The following ZNF385B variants were observed in gnomAD, a reference collection of about 807,000 sequenced individuals.
ZNF385B encodes the protein zinc finger protein 533.
A neutral mutation model predicts 39.2 loss-of-function variants in ZNF385B; 23 were observed. The ratio of observed to expected loss-of-function variants is 0.59; its 90% CI spans 0.42 to 0.83. The LOEUF (loss-of-function observed/expected upper bound fraction) is 0.83. Ranked by LOEUF, ZNF385B falls within the 40% of genes least tolerant of loss-of-function variation. ZNF385B has a pLI of 0.00. For synonymous variants in ZNF385B, 205 were observed against 222.6 expected, an observed-to-expected ratio of 0.92 and a Z score of 0.70; for missense variants, 552 against 598.9, an observed-to-expected ratio of 0.92 and a Z score of 0.82.
intron 1 of ZNF385B, among the ~76,000 whole-genome samples, chr2:179,819,879 T>A (rs1707298925): frequency 1.3e-5 from 2 of 152,222 alleles, no homozygotes; most frequent in Non-Finnish European, 2.9e-5. Flanking sequence ...ATTATACTTT[T>A]TTCATATTAA....
At chr2:179,689,409 C>T (rs900505929) in intron 3 of ZNF385B, among the ~76,000 whole-genome samples, 1 of 152,164 alleles carries the variant, frequency 6.6e-6, no homozygotes, top group Non-Finnish European at 1.5e-5. Flanking sequence ...TGTGGACACT[C>T]AGTCCAGTAT....
Position 179,523,411 on chromosome 2 carries a change from T to C in ZNF385B, c.442-4773A>G, listed in dbSNP as rs75947918. Among the ~76,000 whole-genome samples the C allele has an allele frequency of 5.7e-3, 842 of 147,098 alleles. 11 individuals carry two copies. The highest frequency in any genetic ancestry group is 0.02 in the African/African-American group (819 of 40,162). On this transcript the variant is annotated intron_variant, in intron 4 of 9. Coordinates refer to ENST00000410066, the MANE Select transcript of ZNF385B (RefSeq NM_152520.6). ...TGGGTAAACCAAAAAGTAATTTACA[T>C]CTCCACAGTGTAAAAAGTCATATAA...
At chr2:179,483,085 G>T (rs1483476779) in intron 6 of ZNF385B, among the ~76,000 whole-genome samples, 187 bp downstream of exon 6, 1 of 151,554 alleles carries the variant, frequency 6.6e-6, no homozygotes, top group African/African-American at 2.4e-5. Flanking sequence ...TTAATAACAT[G>T]GAATGGAAAC....
chr2:179,584,035 C>G lies in ZNF385B; in HGVS notation c.299-39066G>C, dbSNP rs879062231. 4.1e-5 allele frequency: 38 copies of G among 935,648 alleles called. No individual in the cohort carries two copies. The South Asian group carries it at 5.0e-4, about 12-fold the overall frequency. The allele number at this position is 935,648 out of a possible 1,614,324, so 58.0% of individuals were successfully genotyped here. A position where few individuals can be genotyped will look rare whatever the true frequency, so the allele number is the denominator to read the frequency against. ...GTTGTGTACACATTGTTGAAGAAGACATAGTCCCTGTTTTCCAAAAGCTTA... is the reference window on the plus strand; with the variant it reads ...GTTGTGTACACATTGTTGAAGAAGAGATAGTCCCTGTTTTCCAAAAGCTTA... On this transcript the variant is annotated intron_variant, in intron 3 of 9. Coordinates refer to ENST00000410066, the MANE Select transcript of ZNF385B (RefSeq NM_152520.6).
chr2:179,584,052 A>G, intron 3 of ZNF385B: 1 of 767,820 alleles, frequency 1.3e-6, no homozygotes, highest in Non-Finnish European at 2.0e-6. Context: ...CCTGTTTTCC[A>G]AAAGCTTATA....
chr2:179,580,096 A>C (rs1201022886), intron 3 of ZNF385B, among the ~76,000 whole-genome samples: 1 of 152,206 alleles, frequency 6.6e-6, no homozygotes, highest in Middle Eastern at 3.2e-3. Context: ...TCCAAACTTC[A>C]ATTTTCTAAT....
chr2:179,731,224 T>C (rs2106428400), intron 3 of ZNF385B, among the ~76,000 whole-genome samples: 1 of 152,360 alleles, frequency 6.6e-6, no homozygotes, highest in South Asian at 2.1e-4. Context: ...TTTCTAAGCA[T>C]TGTGCTATAT....
At chr2:179,527,612 T>C (rs2058992578) in intron 4 of ZNF385B, among the ~76,000 whole-genome samples, 2 of 152,096 alleles carry the variant, frequency 1.3e-5, no homozygotes, top group African/African-American at 4.8e-5. Flanking sequence ...ATGACTCTGG[T>C]TGTAAGAAGT....
At chr2:179,856,624 C>CAAAAAAAAA (rs11308289) in intron 1 of ZNF385B, among the ~76,000 whole-genome samples, 1 of 108,308 alleles carries the variant, frequency 9.2e-6, no homozygotes. Context: ...ACAGCAGAGA[C>CAAAAAAAAA]AAAAAAAAAA....
At chr2:179,852,659 G>A (rs1684276590) in intron 1 of ZNF385B, among the ~76,000 whole-genome samples, 1 of 152,202 alleles carries the variant, frequency 6.6e-6, no homozygotes, top group Non-Finnish European at 1.5e-5. Flanking sequence ...TGGTTCTCCA[G>A]AATTCACACA....
chr2:179,800,916 C>T (rs1238461544), intron 1 of ZNF385B, among the ~76,000 whole-genome samples: 1 of 152,084 alleles, frequency 6.6e-6, no homozygotes, highest in Non-Finnish European at 1.5e-5. Context: ...GTTATTTCAA[C>T]CATTCTAAAG....
At chr2:179,583,531 A>G (rs1046944022) in intron 3 of ZNF385B, among the ~76,000 whole-genome samples, 1 of 152,196 alleles carries the variant, frequency 6.6e-6, no homozygotes, top group South Asian at 2.1e-4. Flanking sequence ...TGAGGCTAAG[A>G]TTCTTGCTTA....
chr2:179,526,030 C>A (rs1270865828), intron 4 of ZNF385B, among the ~76,000 whole-genome samples: 1 of 138,536 alleles, frequency 7.2e-6, no homozygotes, highest in Non-Finnish European at 1.5e-5. Context: ...ACTAGTTTAA[C>A]CACAGATTTT....
chr2:179,593,473 T>A (rs1687742986), intron 3 of ZNF385B, among the ~76,000 whole-genome samples: 1 of 152,218 alleles, frequency 6.6e-6, no homozygotes, highest in East Asian at 1.9e-4. Flanking sequence ...CTTAAATTAC[T>A]AAATTGAACA....
At chr2:179,780,630 C>T (rs1271773998) in intron 1 of ZNF385B, among the ~76,000 whole-genome samples, 1 of 152,166 alleles carries the variant, frequency 6.6e-6, no homozygotes, top group Non-Finnish European at 1.5e-5. Context: ...TGATTGTAGA[C>T]AACTTCCCTA....
intron 3 of ZNF385B, among the ~76,000 whole-genome samples, chr2:179,638,129 G>A (rs1271901877): frequency 6.6e-6 from 1 of 152,082 alleles, no homozygotes; most frequent in East Asian, 1.9e-4. Flanking sequence ...GAATAAATTC[G>A]AGAGGTCTTC....
intron 3 of ZNF385B, among the ~76,000 whole-genome samples, chr2:179,738,683 T>C (rs1414406716): frequency 3.3e-5 from 5 of 152,124 alleles, no homozygotes; most frequent in Non-Finnish European, 7.4e-5. Context: ...AAATACTGAT[T>C]CCTAGATAGC....
intron 5 of ZNF385B, among the ~76,000 whole-genome samples, chr2:179,517,120 C>T (rs1032766369): frequency 4.0e-5 from 6 of 151,824 alleles, no homozygotes; most frequent in Admixed American, 6.6e-5. Context: ...ATTCTTTCAC[C>T]AGTTTCACAG....
chr2:179,752,257 C>T (rs1046983604), intron 3 of ZNF385B, among the ~76,000 whole-genome samples: 4 of 152,180 alleles, frequency 2.6e-5, no homozygotes, highest in African/African-American at 9.7e-5. Flanking sequence ...CTTCAAAGGA[C>T]GTGAACTCAT....
Sources: allele counts gnomAD v4.1 joint callset (sites outside exome capture counted in the v4.1 genomes callset), GRCh38; gene constraint gnomAD v4.1.1; transcripts MANE v1.5; gene names NCBI Gene and HGNC (gene_info 2026-07-23, HGNC 2026-07-21).